LRP1B: variants seen among roughly 807,000 people sequenced by gnomAD.
LRP1B encodes the protein low-density lipoprotein receptor-related protein 1B.
A neutral mutation model predicts 556.6 loss-of-function variants in LRP1B; 217 were observed. The ratio of observed to expected loss-of-function variants is 0.39; its 90% confidence interval spans 0.35 to 0.44. LRP1B has a LOEUF of 0.44. LRP1B is among the 20% of genes least tolerant of loss of function. The pLI, the probability that LRP1B is intolerant of heterozygous loss-of-function variation, is 1.00. For synonymous variants in LRP1B, 2,047 were observed against 1,865.8 expected, an observed-to-expected ratio of 1.10 and a Z score of -2.50; for missense variants, 5,053 against 5,620.8, an observed-to-expected ratio of 0.90 and a Z score of 3.23.
chr2:141,132,730 TAACTC>T (rs556102758), intron 7 of LRP1B, among the ~76,000 whole-genome samples: 2 of 152,024 alleles, frequency 1.3e-5, no homozygotes, highest in Admixed American at 6.6e-5. Flanking sequence ...AAAAAAGTCT[TAACTC>T]TATATATGTA....
chr2:142,126,909 A>G (rs1395588731), intron 1 of LRP1B, among the ~76,000 whole-genome samples: 1 of 151,878 alleles, frequency 6.6e-6, no homozygotes, highest in Non-Finnish European at 1.5e-5. Context: ...GGGCTGAGAA[A>G]AGAAATTGAC....
chr2:141,599,962 A>T (rs1687667900), intron 2 of LRP1B, among the ~76,000 whole-genome samples: 1 of 151,962 alleles, frequency 6.6e-6, no homozygotes, highest in African/African-American at 2.4e-5. Context: ...CGCTCCACAC[A>T]CACCCACACC....
chr2:140,381,489 A>G (rs577671215), intron 67 of LRP1B, among the ~76,000 whole-genome samples: 2 of 152,142 alleles, frequency 1.3e-5, no homozygotes, highest in Admixed American at 1.3e-4. Context: ...CATCTAGACA[A>G]GCCAGATTGG....
At chr2:140,739,901 G>T (rs1437561575) in intron 35 of LRP1B, among the ~76,000 whole-genome samples, 1 of 152,074 alleles carries the variant, frequency 6.6e-6, no homozygotes. Flanking sequence ...ATATAAAAAT[G>T]ACCAACAAAC....
chr2:141,873,121 G>T (rs1386085884), intron 1 of LRP1B, among the ~76,000 whole-genome samples: 1 of 151,930 alleles, frequency 6.6e-6, no homozygotes, highest in Non-Finnish European at 1.5e-5. Flanking sequence ...ACATAAATAT[G>T]CTATTACATG....
At chr2:141,810,424 ATAAAATATGAAT>A in intron 1 of LRP1B, 23 bp from the exon 2 acceptor site, 1 of 1,610,860 alleles carries the variant, frequency 6.2e-7, no homozygotes, top group East Asian at 2.2e-5. Flanking sequence ...ATGTTTCGAA[ATAAAATATGAAT>A]GATCTGAACA....
At chr2:140,842,447 C>G (rs868691204) in intron 29 of LRP1B, among the ~76,000 whole-genome samples, 3 of 152,294 alleles carry the variant, frequency 2.0e-5, no homozygotes, top group South Asian at 2.1e-4. Context: ...AGATACTACT[C>G]GTGGTTCCAG....
intron 43 of LRP1B, among the ~76,000 whole-genome samples, chr2:140,573,334 G>A (rs1681401577): frequency 6.6e-6 from 1 of 151,626 alleles, no homozygotes; most frequent in African/African-American, 2.4e-5. Context: ...AAAAATGAAG[G>A]ATCAGAAATA....
chr2:141,047,482 AT>A, intron 11 of LRP1B, among the ~76,000 whole-genome samples: 1 of 152,228 alleles, frequency 6.6e-6, no homozygotes, highest in African/African-American at 2.4e-5. Flanking sequence ...GCTGTAAATA[AT>A]TTTAGTCTAT....
At chr2:141,607,400 C>T (rs1687954635) in intron 2 of LRP1B, among the ~76,000 whole-genome samples, 1 of 152,104 alleles carries the variant, frequency 6.6e-6, no homozygotes, top group African/African-American at 2.4e-5. Context: ...AGTAACCTAA[C>T]AATAATTAAA....
intron 47 of LRP1B, among the ~76,000 whole-genome samples, chr2:140,532,890 A>G (rs1215063599): frequency 1.4e-5 from 2 of 147,502 alleles, no homozygotes; most frequent in Non-Finnish European, 3.0e-5. Flanking sequence ...AAAACAAAAA[A>G]GACATATGGG....
chr2:141,680,910 T>C (rs1389615500), intron 2 of LRP1B, among the ~76,000 whole-genome samples: 1 of 152,174 alleles, frequency 6.6e-6, no homozygotes, highest in African/African-American at 2.4e-5. Flanking sequence ...TTGAAGTATT[T>C]AAATGCTGAG....
At chr2:141,139,529 A>T (rs57376529) in intron 7 of LRP1B, among the ~76,000 whole-genome samples, 12,946 of 151,900 alleles carry the variant, frequency 0.085, 954 homozygotes, top group African/African-American at 0.2. Flanking sequence ...ATCCTACACA[A>T]AAAGGGCAAA....
intron 67 of LRP1B, among the ~76,000 whole-genome samples, chr2:140,381,031 GAATT>G (rs777202769): frequency 2.6e-5 from 4 of 152,034 alleles, no homozygotes; most frequent in Admixed American, 6.6e-5. Flanking sequence ...TAATAATCAT[GAATT>G]ATTTATACAT....
At chr2:141,102,154 C>A (rs933207091) in intron 7 of LRP1B, among the ~76,000 whole-genome samples, 1 of 152,072 alleles carries the variant, frequency 6.6e-6, no homozygotes, top group African/African-American at 2.4e-5. Flanking sequence ...CTCTCCACTC[C>A]CAAGTGTGCC....
chr2:140,274,375 T>G, intron 85 of LRP1B, 49 bp downstream of exon 85: 1 of 1,488,698 alleles, frequency 6.7e-7, no homozygotes, highest in Non-Finnish European at 9.4e-7. Context: ...AACTGCAATG[T>G]CCATTGGTGT....
chr2:140,440,864 G>A (rs904173736), intron 66 of LRP1B, among the ~76,000 whole-genome samples: 1 of 151,972 alleles, frequency 6.6e-6, no homozygotes, highest in Non-Finnish European at 1.5e-5. Context: ...TATATGGAAA[G>A]AATGAAGTGT....
At chr2:141,829,325 T>A (rs1697036471) in intron 1 of LRP1B, among the ~76,000 whole-genome samples, 1 of 152,088 alleles carries the variant, frequency 6.6e-6, no homozygotes, top group African/African-American at 2.4e-5. Context: ...AGTAAAAAAC[T>A]CTTTCTTGTT....
rs375114250 is a variant in LRP1B at position 141,883,107 on chromosome 2, C to G, written c.83-72706G>C. Among the ~76,000 whole-genome samples, 29 of 152,224 alleles carry G rather than the reference C, an allele frequency of 1.9e-4. No homozygotes were observed. The East Asian group carries it at 3.9e-3, about 20-fold the overall frequency. ...GGGCCAAATAGACAGTGACATATTA[C>G]TAGATTTATGATACTCACTTAGTCC... On this transcript the variant is annotated intron_variant, in intron 1 of 90. Coordinates refer to ENST00000389484, the MANE Select transcript of LRP1B (RefSeq NM_018557.3).
Sources: allele counts gnomAD v4.1 joint callset (sites outside exome capture counted in the v4.1 genomes callset), GRCh38; gene constraint gnomAD v4.1.1; transcripts MANE v1.5; gene names NCBI Gene and HGNC (gene_info 2026-07-23, HGNC 2026-07-21).